Variants in CFAP251 observed in about 807,000 individuals in gnomAD.
CFAP251 encodes cilia and flagella associated protein 251.
A neutral mutation model predicts 126.7 loss-of-function variants in CFAP251; 93 were observed. The observed-to-expected ratio is 0.73, with a 90% CI of 0.62 to 0.87. The LOEUF (loss-of-function observed/expected upper bound fraction) is 0.87. CFAP251 is among the 40% of genes least tolerant of loss of function. The pLI is 0.00. For missense variants in CFAP251, 1,287 were observed against 1,389.2 expected, an observed-to-expected ratio of 0.93 and a Z score of 1.17; for synonymous variants, 503 against 506.9, an observed-to-expected ratio of 0.99 and a Z score of 0.10.
intron 15 of CFAP251, among the ~76,000 whole-genome samples, chr12:121,964,899 T>A (rs1483666138): frequency 6.6e-6 from 1 of 152,002 alleles, no homozygotes; most frequent in Non-Finnish European, 1.5e-5. Flanking sequence ...CTAGACTCTG[T>A]CTTAAAAAAA....
intron 2 of CFAP251, among the ~76,000 whole-genome samples, chr12:121,922,764 G>A (rs1490664351): frequency 9.3e-6 from 1 of 107,924 alleles, no homozygotes; most frequent in Non-Finnish European, 2.0e-5. Context: ...ACCCACGTTT[G>A]TCCTGTTCTT....
intron 21 of CFAP251, 134 bp from the exon 22 acceptor site, chr12:122,003,518 A>T (rs1883191574): frequency 3.3e-6 from 2 of 612,678 alleles, no homozygotes; most frequent in African/African-American, 3.9e-5. Flanking sequence ...GGCTGCAGTG[A>T]GCTATGATCG....
At chr12:121,985,687 C>G (rs1455043873) in intron 19 of CFAP251, among the ~76,000 whole-genome samples, 1 of 151,926 alleles carries the variant, frequency 6.6e-6, no homozygotes, top group Non-Finnish European at 1.5e-5. Flanking sequence ...TCTCAAACTC[C>G]TGGGCTTAGG....
intron 15 of CFAP251, among the ~76,000 whole-genome samples, chr12:121,965,897 G>A (rs1187936185): frequency 6.9e-6 from 1 of 145,834 alleles, no homozygotes; most frequent in Non-Finnish European, 1.5e-5. Context: ...TCAGCTCACT[G>A]CAGCCTCGAC....
intron 5 of CFAP251, among the ~76,000 whole-genome samples, chr12:121,937,582 C>T (rs1021467158): frequency 6.6e-6 from 1 of 152,122 alleles, no homozygotes; most frequent in Non-Finnish European, 1.5e-5. Context: ...TGGCCTGAGG[C>T]AGAGAGCAGT....
intron 17 of CFAP251, 54 bp downstream of exon 17, chr12:121,968,223 C>G: frequency 6.6e-7 from 1 of 1,525,902 alleles, no homozygotes; most frequent in African/African-American, 1.4e-5. Context: ...TTTCACTCAG[C>G]AACAGTGATA....
In CFAP251 at chr12:121,975,280, C is replaced by T. The variant is rs201390057; in HGVS notation, c.2808C>T (p.Asp936=). 4.7e-5 allele frequency: 76 copies of T among 1,614,120 alleles called. No homozygotes were observed. In the African/African-American group the frequency reaches 9.5e-4, roughly 20 times the overall value. ...CAGCGGTTTCTCTTGGGGGTGAAGA[C>T]TTGACCCCATTCTATGGTCTGCTGT... ...LEAAVSLGGE[D]LTPFYGLLSG... is the part of the protein sequence containing the mutation. The change falls in exon 18 of 22, where the codon GAC becomes GAT. Residue 936 remains aspartate (D), a synonymous_variant. Coordinates refer to ENST00000288912, the MANE Select transcript of CFAP251 (RefSeq NM_144668.6).
chr12:121,958,827 G>T (rs929242423), intron 12 of CFAP251, 116 bp from the exon 13 acceptor site: 3 of 1,273,910 alleles, frequency 2.4e-6, no homozygotes, highest in Non-Finnish European at 3.2e-6. Flanking sequence ...CTCCGCACGG[G>T]AGCTTTGTTG....
At chr12:121,941,573 A>G (rs1251258833) in intron 5 of CFAP251, among the ~76,000 whole-genome samples, 1 of 151,974 alleles carries the variant, frequency 6.6e-6, no homozygotes. Context: ...AGCTCAAGCA[A>G]TCCACCCTCC....
At chr12:121,958,630 C>T (rs1192896314) in intron 12 of CFAP251, 108 bp downstream of exon 12, 2 of 1,532,336 alleles carry the variant, frequency 1.3e-6, no homozygotes, top group Admixed American at 3.8e-5. Flanking sequence ...CTCCAGCCCC[C>T]AGCAGGCTGG....
chr12:121,923,414 C>T (rs990265987), intron 2 of CFAP251, among the ~76,000 whole-genome samples: 3 of 152,212 alleles, frequency 2.0e-5, no homozygotes, highest in African/African-American at 7.2e-5. Context: ...CCCTCTTGGC[C>T]TCCCAAAGTG....
intron 3 of CFAP251, among the ~76,000 whole-genome samples, chr12:121,924,367 G>A (rs961169335): frequency 1.3e-5 from 2 of 150,926 alleles, no homozygotes; most frequent in Non-Finnish European, 2.9e-5. Flanking sequence ...CACCTGCTTC[G>A]GTCTCCCAAA....
At chr12:121,951,987 G>A (rs1881545300) in intron 9 of CFAP251, among the ~76,000 whole-genome samples, 1 of 152,076 alleles carries the variant, frequency 6.6e-6, no homozygotes, top group African/African-American at 2.4e-5. Context: ...CTCCCAAAGT[G>A]CTGGGATTAC....
chr12:121,944,052 C>T (rs934329134), intron 7 of CFAP251, among the ~76,000 whole-genome samples: 2 of 152,178 alleles, frequency 1.3e-5, no homozygotes, highest in Non-Finnish European at 2.9e-5. Context: ...AGGTGACTTG[C>T]CAAGGACACC....
chr12:121,950,355 G>A (rs969653408), intron 8 of CFAP251: 1 of 152,132 alleles, frequency 6.6e-6, no homozygotes, highest in Non-Finnish European at 1.5e-5. Flanking sequence ...TTTCCTTTTG[G>A]GGTTATGAAA....
chr12:121,924,030 G>T, intron 3 of CFAP251, 40 bp downstream of exon 3: 1 of 1,541,342 alleles, frequency 6.5e-7, no homozygotes, highest in Non-Finnish European at 8.7e-7. Context: ...GTGCTTTTGA[G>T]AGTGTTGCGC....
At chr12:121,958,628 C>T in intron 12 of CFAP251, 106 bp downstream of exon 12, 1 of 1,522,354 alleles carries the variant, frequency 6.6e-7, no homozygotes, top group Non-Finnish European at 8.9e-7. Flanking sequence ...GACTCCAGCC[C>T]CCAGCAGGCT....
intron 19 of CFAP251, chr12:121,999,480 A>G (rs1230336804): frequency 9.4e-6 from 3 of 320,280 alleles, no homozygotes; most frequent in African/African-American, 6.4e-5. Context: ...GGTTCAAGTG[A>G]TTCTCATACT....
At chr12:121,955,596 G>C (rs1881700708) in intron 10 of CFAP251, 1 of 152,210 alleles carries the variant, frequency 6.6e-6, no homozygotes, top group African/African-American at 2.4e-5. Context: ...AAGGTGTGGA[G>C]AAAATTGCCT....
Sources: allele counts gnomAD v4.1 joint callset (sites outside exome capture counted in the v4.1 genomes callset), GRCh38; gene constraint gnomAD v4.1.1; transcripts MANE v1.5; gene names NCBI Gene and HGNC (gene_info 2026-07-23, HGNC 2026-07-21).